BEAN1: variants seen among roughly 807,000 people sequenced by gnomAD.
BEAN1 encodes the protein protein BEAN1.
A neutral mutation model predicts 17.7 loss-of-function variants in BEAN1; 17 were observed. The observed-to-expected ratio is 0.96, with a 90% CI of 0.66 to 1.44. BEAN1 has a LOEUF of 1.44. BEAN1 is among the 40% of genes most tolerant of loss of function. The pLI is 0.00. For synonymous variants in BEAN1, 142 were observed against 151.8 expected (o/e 0.94, Z 0.47); for missense variants, 359 against 374.1 (o/e 0.96, Z 0.33).
downstream of BEAN1, among the ~76,000 whole-genome samples, chr16:66,494,522 A>G (rs1964220518): frequency 6.6e-6 from 1 of 152,078 alleles, no homozygotes; most frequent in Non-Finnish European, 1.5e-5. Context: ...TTCATGTCCC[A>G]GTTCAGTTGT....
At chr16:66,441,981 C>G (rs1423247361) in intron 2 of BEAN1, among the ~76,000 whole-genome samples, 6 of 152,216 alleles carry the variant, frequency 3.9e-5, no homozygotes, top group Non-Finnish European at 8.8e-5. Context: ...TCCCTCCTTT[C>G]AATTTGGCAG....
intron 2 of BEAN1, among the ~76,000 whole-genome samples, chr16:66,460,015 C>T (rs1404550049): frequency 1.3e-5 from 2 of 152,150 alleles, no homozygotes; most frequent in Admixed American, 1.3e-4. Context: ...TCAGGCACAC[C>T]GTGCACACCA....
intron 2 of BEAN1, among the ~76,000 whole-genome samples, chr16:66,447,315 C>G (rs533758341): frequency 2.6e-5 from 4 of 152,132 alleles, no homozygotes; most frequent in Non-Finnish European, 5.9e-5. Flanking sequence ...CTAAGAGACC[C>G]AGGTTTGAAA....
chr16:66,449,984 G>A (rs1018453108), intron 2 of BEAN1, among the ~76,000 whole-genome samples: 3 of 152,174 alleles, frequency 2.0e-5, no homozygotes, highest in Non-Finnish European at 2.9e-5. Context: ...AGAAACCTGG[G>A]AAGTGCTCTT....
intron 2 of BEAN1, among the ~76,000 whole-genome samples, chr16:66,449,765 C>G (rs1041808523): frequency 2.0e-5 from 3 of 152,110 alleles, no homozygotes; most frequent in African/African-American, 7.2e-5. Flanking sequence ...ATTATACACA[C>G]GCAATATGTC....
chr16:66,434,761 C>T lies in BEAN1; in HGVS notation c.-82-2834C>T, dbSNP rs1567480775. ...CATCTCAGCTTTTTGCATAGAGATC[C>T]TCCTCTTCAGCAAGCCAAGCACCTT... On this transcript the variant is annotated intron_variant, in intron 1 of 4. Transcript: ENST00000536005. The surrounding 1 kb of genome is among the most constrained non-coding windows in gnomAD (Gnocchi z 4.3). Among the ~76,000 whole-genome samples the T allele has an allele frequency of 6.6e-6, 1 of 152,112 alleles. No homozygotes were observed. Among genetic ancestry groups the T allele is most frequent in the Non-Finnish European group, 1.5e-5 (1 of 68,010 alleles).
At chr16:66,466,423 G>C (rs546668607) in intron 2 of BEAN1, among the ~76,000 whole-genome samples, 2 of 152,144 alleles carry the variant, frequency 1.3e-5, no homozygotes, top group Admixed American at 1.3e-4. Flanking sequence ...TCAGATTTTA[G>C]TTTGCTCTTC....
At chr16:66,437,104 GTAATAATAA>G (rs141371324) in intron 1 of BEAN1, among the ~76,000 whole-genome samples, 11 of 150,984 alleles carry the variant, frequency 7.3e-5, no homozygotes, top group Non-Finnish European at 1.2e-4. Flanking sequence ...TTATGTTGGG[GTAATAATAA>G]TAATAATAAT....
intron 2 of BEAN1, among the ~76,000 whole-genome samples, chr16:66,438,974 C>T (rs773868246): frequency 1.6e-4 from 24 of 152,182 alleles, no homozygotes; most frequent in Admixed American, 6.5e-5. Flanking sequence ...CTCCCCAACT[C>T]GCCATTGTCT....
In BEAN1 at chr16:66,437,591, G is replaced by T. The variant is rs1016357239; in HGVS notation, c.-82-4G>T. 24 of 1,445,762 alleles carry T rather than the reference G, an allele frequency of 1.7e-5. No homozygotes were observed. The East Asian group carries it at 6.0e-4, about 36-fold the overall frequency. 89.6% of individuals were successfully genotyped at this position (1,445,762 alleles called of 1,614,324 possible). ...CCAACACCTGCCTGTTTGTGTCTCC[G>T]CAGGTGAGTGGAGGGGCCTTCCCTG... is the stretch of plus-strand genomic sequence containing the variant. On this transcript the variant is annotated splice_region_variant and splice_polypyrimidine_tract_variant and intron_variant, in intron 1 of 4. Coordinates refer to ENST00000536005, the MANE Select transcript of BEAN1 (RefSeq NM_001178020.3).
intron 2 of BEAN1, chr16:66,438,077 C>T: frequency 6.1e-6 from 2 of 327,358 alleles, no homozygotes; most frequent in East Asian, 1.4e-4. Context: ...GCAAGACTTT[C>T]CTGAGCTTTT....
intron 1 of BEAN1, among the ~76,000 whole-genome samples, chr16:66,435,991 A>G (rs1014570587): frequency 6.6e-6 from 1 of 152,110 alleles, no homozygotes; most frequent in African/African-American, 2.4e-5. Context: ...GATGAGGGAT[A>G]TATACCCCCT....
intron 2 of BEAN1, among the ~76,000 whole-genome samples, chr16:66,454,669 C>T (rs1168449266): frequency 6.8e-6 from 1 of 147,982 alleles, no homozygotes; most frequent in Non-Finnish European, 1.5e-5. Context: ...TTTACTCTGA[C>T]AATCTCTGCC....
intron 2 of BEAN1, among the ~76,000 whole-genome samples, chr16:66,462,794 T>C (rs1963132965): frequency 6.6e-6 from 1 of 150,472 alleles, no homozygotes; most frequent in South Asian, 2.1e-4. Context: ...AAAGCAAAAC[T>C]GTCTCAAAAA....
In BEAN1 at chr16:66,439,540, G is replaced by T. The variant is rs542993640; in HGVS notation, c.25+1839G>T. Among the ~76,000 whole-genome samples, 4 of 152,238 alleles carry T rather than the reference G, an allele frequency of 2.6e-5. No homozygotes were observed. The East Asian group carries it at 5.8e-4, about 22-fold the overall frequency. ...TGAACCCCAGGCCATTGGAAGCTGGGTCCATCTCACTAACAGAGGCCATCC... is the reference window on the plus strand; with the variant it reads ...TGAACCCCAGGCCATTGGAAGCTGGTTCCATCTCACTAACAGAGGCCATCC... On this transcript the variant is annotated intron_variant, in intron 2 of 4. Coordinates refer to ENST00000536005, the MANE Select transcript of BEAN1 (RefSeq NM_001178020.3).
intron 4 of BEAN1, among the ~76,000 whole-genome samples, chr16:66,480,174 T>C (rs1032681536): frequency 8.5e-5 from 13 of 152,090 alleles, no homozygotes; most frequent in African/African-American, 3.1e-4. Flanking sequence ...CCCAGGGGAC[T>C]CTTTCCTAAA....
chr16:66,479,801 G>A (rs1352310462), intron 4 of BEAN1, among the ~76,000 whole-genome samples: 1 of 152,124 alleles, frequency 6.6e-6, no homozygotes, highest in Non-Finnish European at 1.5e-5. Context: ...AAGGACAGGT[G>A]GAGCTTGTGG....
At chr16:66,486,593 C>T (rs1423238530), downstream of BEAN1, among the ~76,000 whole-genome samples, 1 of 152,118 alleles carries the variant, frequency 6.6e-6, no homozygotes, top group Non-Finnish European at 1.5e-5. Context: ...TGGGTCATGC[C>T]AAAGCAGCCC....
intron 1 of BEAN1, among the ~76,000 whole-genome samples, chr16:66,435,675 G>C (rs1247873571): frequency 6.6e-6 from 1 of 152,094 alleles, no homozygotes; most frequent in African/African-American, 2.4e-5. Context: ...TTTTAGTAGA[G>C]ATGGGGTTTC....
Sources: gnomAD v4.1 joint callset for allele counts (sites outside exome capture counted in the v4.1 genomes callset) on GRCh38, gnomAD v4.1.1 for gene constraint, Gnocchi (gnomAD v3.1) non-coding constraint, MANE v1.5 for transcripts, NCBI Gene and HGNC (gene_info 2026-07-23, HGNC 2026-07-21) for gene names.